MOB1B: variants seen among roughly 807,000 people sequenced by gnomAD.
MOB1B encodes the protein MOB1 Mps One Binder homolog B.
In MOB1B, 19 loss-of-function variants were observed where a neutral mutation model predicts 24.4. The observed-to-expected ratio is 0.78, with a 90% CI of 0.54 to 1.14. The LOEUF (loss-of-function observed/expected upper bound fraction) is 1.14. Ranked by LOEUF, MOB1B falls within the 50% of genes most tolerant of loss-of-function variation. The pLI is 0.00. For synonymous variants in MOB1B, 76 were observed against 82.1 expected (o/e 0.93, Z 0.40); for missense variants, 243 against 259.6 (o/e 0.94, Z 0.44).
intron 1 of MOB1B, among the ~76,000 whole-genome samples, chr4:70,950,198 G>C (rs1409607890): frequency 6.6e-6 from 1 of 152,068 alleles, no homozygotes; most frequent in Non-Finnish European, 1.5e-5. Context: ...CACTTTGGGA[G>C]GCTGAGATGG....
At position 70,958,885 on chromosome 4, in the gene MOB1B, C is replaced by T. The variant is rs763506781; in HGVS notation, c.26C>T (p.Ser9Phe). ...TTTTCTATTCATAGTGGTAGTCGCTCTTCTAAAACTTTTAAACCAAAGAAG... is the reference window on the plus strand; with the variant it reads ...TTTTCTATTCATAGTGGTAGTCGCTTTTCTAAAACTTTTAAACCAAAGAAG... MSFLFGSRSSKTFKPKKNI... is the reference protein window; with the variant it reads MSFLFGSRFSKTFKPKKNI... The change falls in exon 2 of 6, where the codon TCT becomes TTT. Residue 9 changes from serine to phenylalanine, a missense_variant. Coordinates refer to ENST00000309395, the MANE Select transcript of MOB1B (RefSeq NM_173468.4). 6.2e-6 allele frequency: 10 copies of T among 1,609,466 alleles called. No homozygotes were observed. Among genetic ancestry groups the T allele is most frequent in the South Asian group, 1.1e-5 (1 of 89,594 alleles).
chr4:70,904,012 C>T lies in MOB1B; in HGVS notation c.14+1462C>T, dbSNP rs547272840. ...TTTTTTTTTTTTGAGACGGAGTCTCCGCTCTGTCACCAGGCTGGAGTGTGT... is the reference window on the plus strand; with the variant it reads ...TTTTTTTTTTTTGAGACGGAGTCTCTGCTCTGTCACCAGGCTGGAGTGTGT... On this transcript the variant is annotated intron_variant, in intron 1 of 5. Transcript: ENST00000309395. 8.9e-5 allele frequency among the ~76,000 whole-genome samples: 10 copies of T among 111,806 alleles called. No individual in the cohort carries two copies. In the South Asian group the frequency reaches 9.5e-4, roughly 11 times the overall value. 73.3% of individuals were successfully genotyped at this position (111,806 alleles called of 152,430 possible).
intron 1 of MOB1B, among the ~76,000 whole-genome samples, chr4:70,955,835 G>A (rs1738024562): frequency 6.6e-6 from 1 of 151,840 alleles, no homozygotes; most frequent in Non-Finnish European, 1.5e-5. Context: ...TAAGTTTCAA[G>A]CTTGGTAGGC....
intron 1 of MOB1B, among the ~76,000 whole-genome samples, chr4:70,904,203 C>T (rs950380694): frequency 1.3e-5 from 2 of 151,220 alleles, no homozygotes; most frequent in Admixed American, 6.6e-5. Context: ...AGGCTGGTCT[C>T]GAACTCCTGA....
At chr4:70,963,545 C>T (rs2148896263) in intron 2 of MOB1B, among the ~76,000 whole-genome samples, 1 of 152,080 alleles carries the variant, frequency 6.6e-6, no homozygotes, top group Admixed American at 6.6e-5. Flanking sequence ...ATTGTCCGGG[C>T]ATGGTGGCTC....
intron 1 of MOB1B, among the ~76,000 whole-genome samples, chr4:70,915,722 G>T (rs370664453): frequency 7.9e-5 from 12 of 151,970 alleles, no homozygotes; most frequent in South Asian, 2.1e-4. Flanking sequence ...GGCGGCAGAG[G>T]GGGACCGTTG....
intron 1 of MOB1B, among the ~76,000 whole-genome samples, chr4:70,928,851 A>T (rs1736761862): frequency 6.6e-6 from 1 of 151,476 alleles, no homozygotes; most frequent in East Asian, 2.0e-4. Context: ...GCCTCCCAAA[A>T]TGCCGATATT....
chr4:70,973,354 C>T (rs562547938), intron 3 of MOB1B, among the ~76,000 whole-genome samples: 6 of 151,090 alleles, frequency 4.0e-5, no homozygotes, highest in African/African-American at 2.4e-5. Flanking sequence ...CCTGTAATCT[C>T]GGCACTTTGG....
At chr4:70,909,520 A>T (rs1425327227) in intron 1 of MOB1B, among the ~76,000 whole-genome samples, 1 of 152,182 alleles carries the variant, frequency 6.6e-6, no homozygotes, top group Non-Finnish European at 1.5e-5. Context: ...AAAACATTAA[A>T]AAAAAATAAC....
At chr4:70,949,482 G>A (rs1004831871) in intron 1 of MOB1B, among the ~76,000 whole-genome samples, 2 of 152,172 alleles carry the variant, frequency 1.3e-5, no homozygotes, top group Non-Finnish European at 2.9e-5. Flanking sequence ...TTCTGAAAGC[G>A]TGGATGAAAG....
intron 1 of MOB1B, among the ~76,000 whole-genome samples, chr4:70,930,899 T>G (rs939061021): frequency 6.6e-6 from 1 of 152,072 alleles, no homozygotes; most frequent in Non-Finnish European, 1.5e-5. Context: ...ATGTGAAATG[T>G]CACTTTTGCA....
At chr4:70,953,390 G>A (rs945181597) in intron 1 of MOB1B, among the ~76,000 whole-genome samples, 1 of 152,166 alleles carries the variant, frequency 6.6e-6, no homozygotes, top group African/African-American at 2.4e-5. Context: ...AAAGTATTAC[G>A]TGGTTAGAGT....
intron 1 of MOB1B, 67 bp downstream of exon 1, chr4:70,902,617 C>T (rs866507273): frequency 7.0e-6 from 10 of 1,422,062 alleles, no homozygotes; most frequent in African/African-American, 4.8e-5. Flanking sequence ...CCGCCGCCCG[C>T]CGCCCGTCGC....
chr4:70,935,161 A>T, intron 1 of MOB1B, among the ~76,000 whole-genome samples: 1 of 152,136 alleles, frequency 6.6e-6, no homozygotes, highest in Non-Finnish European at 1.5e-5. Flanking sequence ...TTAAAATTGT[A>T]TTAGTCTTGT....
chr4:70,949,737 C>A (rs74908903), intron 1 of MOB1B, among the ~76,000 whole-genome samples: 1,958 of 151,920 alleles, frequency 0.013, 36 homozygotes, highest in African/African-American at 0.045. Flanking sequence ...AAAAATACAA[C>A]AACAAAATAA....
intron 4 of MOB1B, among the ~76,000 whole-genome samples, chr4:70,977,668 C>T (rs1739058278): frequency 6.6e-6 from 1 of 152,066 alleles, no homozygotes; most frequent in Non-Finnish European, 1.5e-5. Flanking sequence ...TAGCAAAAAT[C>T]CTGAATACAG....
At chr4:70,963,614 G>A (rs913082991) in intron 2 of MOB1B, among the ~76,000 whole-genome samples, 7 of 152,076 alleles carry the variant, frequency 4.6e-5, no homozygotes, top group Admixed American at 3.9e-4. Flanking sequence ...GAGCCCAGGA[G>A]TTTGAGACCA....
At chr4:70,922,641 A>G (rs1736485103) in intron 1 of MOB1B, among the ~76,000 whole-genome samples, 1 of 152,206 alleles carries the variant, frequency 6.6e-6, no homozygotes. Flanking sequence ...GACAAACATA[A>G]AATTCAGACA....
In MOB1B at chr4:70,982,113, G is replaced by T; in HGVS notation, c.*56G>T. On this transcript the variant is annotated 3_prime_UTR_variant, in exon 6 of 6. Coordinates refer to ENST00000309395, the MANE Select transcript of MOB1B (RefSeq NM_173468.4). ...AAATGAAGCAGTGTGGAGTGTATTG[G>T]GGATTTTGTTATATTTTGTTTTTAT... 1.5e-6 allele frequency: 2 copies of T among 1,315,736 alleles called. No individual in the cohort carries two copies. Among genetic ancestry groups the T allele is most frequent in the South Asian group, 1.2e-5 (1 of 80,882 alleles). 81.5% of individuals were successfully genotyped at this position (1,315,736 alleles called of 1,614,324 possible). A position where few individuals can be genotyped will look rare whatever the true frequency, so the allele number is the denominator to read the frequency against.
Sources: allele counts gnomAD v4.1 joint callset (sites outside exome capture counted in the v4.1 genomes callset), GRCh38; gene constraint gnomAD v4.1.1; transcripts MANE v1.5; gene names NCBI Gene and HGNC (gene_info 2026-07-23, HGNC 2026-07-21).